LMOD1: variants seen among roughly 807,000 people sequenced by gnomAD.
LMOD1 encodes leiomodin 1.
Under a neutral mutation model 36.5 loss-of-function variants are expected in LMOD1, and 8 were observed. The observed-to-expected ratio is 0.22, with a 90% CI of 0.13 to 0.40. The LOEUF (loss-of-function observed/expected upper bound fraction) is 0.40, where lower values mean the gene tolerates loss of function less well. Among genes scored for constraint, LMOD1 ranks in the 10% least tolerant of loss-of-function variants. LMOD1 has a pLI of 1.00. For missense variants in LMOD1, 630 were observed against 751.1 expected (o/e 0.84, Z 1.88); for synonymous variants, 284 against 288.7 (o/e 0.98, Z 0.17).
chr1:201,910,797 C>G (rs1681484550), intron 1 of LMOD1, among the ~76,000 whole-genome samples: 1 of 117,226 alleles, frequency 8.5e-6, no homozygotes, highest in Non-Finnish European at 1.7e-5. Flanking sequence ...GTCTGTCACC[C>G]AGACTGAAGT....
In LMOD1 at chr1:201,899,390, C is replaced by T. The variant is rs1261941678; in HGVS notation, c.1623G>A (p.Leu541=). ...GGTTCTCCATGATAAGGGGTGGAGC[C>T]AAGGGAGGGGGAGGGGGTGGTGGGG... is the stretch of plus-strand genomic sequence containing the variant. ...PAAPPPPPPP[L]APPLIMENLK... The change falls in exon 2 of 3, where the codon TTG becomes TTA. Residue 541 remains leucine, a synonymous_variant. Transcript: ENST00000367288. This position sits in a 1 kb window ranked among gnomAD's most constrained non-coding sequence, Gnocchi z 6.3. 7.7e-7 allele frequency: 1 copy of T among 1,294,990 alleles called. No homozygotes were observed. The highest frequency in any genetic ancestry group is 1.5e-5 in the African/African-American group (1 of 64,586). The allele number at this position is 1,294,990 out of a possible 1,614,324, so 80.2% of individuals were successfully genotyped here.
At chr1:201,930,329 T>A (rs1372498794) in intron 1 of LMOD1, among the ~76,000 whole-genome samples, 1 of 152,072 alleles carries the variant, frequency 6.6e-6, no homozygotes, top group Non-Finnish European at 1.5e-5. Context: ...GTTCTTCTAG[T>A]TGATAAGTGA....
At chr1:201,928,698 G>T (rs1374975908) in intron 1 of LMOD1, among the ~76,000 whole-genome samples, 1 of 152,192 alleles carries the variant, frequency 6.6e-6, no homozygotes, top group Non-Finnish European at 1.5e-5. Flanking sequence ...GGTGCATATA[G>T]AGCAAATTAT....
intron 1 of LMOD1, among the ~76,000 whole-genome samples, chr1:201,924,290 C>T (rs1681761741): frequency 1.4e-5 from 2 of 140,462 alleles, no homozygotes; most frequent in African/African-American, 5.2e-5. Flanking sequence ...CGCCACTGCA[C>T]TCCAGCCTGG....
intron 1 of LMOD1, among the ~76,000 whole-genome samples, chr1:201,923,990 G>A (rs530335408): frequency 6.6e-6 from 1 of 150,462 alleles, no homozygotes; most frequent in East Asian, 2.0e-4. Context: ...GAAAGAAAAA[G>A]AAAAGAAAGA....
At chr1:201,920,713 G>A (rs1681689600) in intron 1 of LMOD1, among the ~76,000 whole-genome samples, 1 of 152,166 alleles carries the variant, frequency 6.6e-6, no homozygotes, top group Non-Finnish European at 1.5e-5. Flanking sequence ...TCTACACAGT[G>A]CAGGACCCAG....
At chr1:201,929,549 T>C (rs988662478) in intron 1 of LMOD1, among the ~76,000 whole-genome samples, 1 of 152,206 alleles carries the variant, frequency 6.6e-6, no homozygotes, top group Admixed American at 6.5e-5. Context: ...CTGATTTAAT[T>C]GGTTATTTTT....
At chr1:201,914,707 A>T (rs1473390492) in intron 1 of LMOD1, among the ~76,000 whole-genome samples, 1 of 151,920 alleles carries the variant, frequency 6.6e-6, no homozygotes, top group African/African-American at 2.4e-5. Context: ...ACTCACCTCC[A>T]GGCTCATCTT....
chr1:201,920,346 A>G (rs1681683464), intron 1 of LMOD1, among the ~76,000 whole-genome samples: 3 of 151,960 alleles, frequency 2.0e-5, no homozygotes, highest in Admixed American at 2.0e-4. Flanking sequence ...CTGACTGGGG[A>G]TTACTACCCC....
At chr1:201,903,836 A>G (rs2790909) in intron 1 of LMOD1, among the ~76,000 whole-genome samples, 151,400 of 152,314 alleles carry the variant, frequency 0.99, 75,250 homozygotes, top group East Asian at 1. Context: ...TGTGCACTGC[A>G]TAGCTTCCCT....
At chr1:201,935,275 C>T (rs1393313219) in intron 1 of LMOD1, among the ~76,000 whole-genome samples, 1 of 150,476 alleles carries the variant, frequency 6.6e-6, no homozygotes, top group African/African-American at 2.4e-5. Flanking sequence ...AGGGAAGAGT[C>T]GGGGTGATCC....
At chr1:201,927,342 A>C (rs1487068669) in intron 1 of LMOD1, among the ~76,000 whole-genome samples, 1 of 152,114 alleles carries the variant, frequency 6.6e-6, no homozygotes. Context: ...CCGAGGTGGG[A>C]GGATCACGAG....
At chr1:201,909,946 C>G (rs1175734502) in intron 1 of LMOD1, among the ~76,000 whole-genome samples, 1 of 152,222 alleles carries the variant, frequency 6.6e-6, no homozygotes, top group Non-Finnish European at 1.5e-5. Flanking sequence ...CTAAGCCACT[C>G]TTTCACCTGA....
chr1:201,907,157 G>A (rs955093156), intron 1 of LMOD1, among the ~76,000 whole-genome samples: 2 of 152,242 alleles, frequency 1.3e-5, no homozygotes, highest in African/African-American at 4.8e-5. Flanking sequence ...AGTGGCATAT[G>A]AGCCCACTGG....
At chr1:201,931,525 G>C (rs1442650916) in intron 1 of LMOD1, among the ~76,000 whole-genome samples, 1 of 120,200 alleles carries the variant, frequency 8.3e-6, no homozygotes, top group Non-Finnish European at 1.7e-5. Flanking sequence ...GCGACATAAT[G>C]AGACTCTGTC....
At chr1:201,906,660 G>A (rs1302961193) in intron 1 of LMOD1, among the ~76,000 whole-genome samples, 1 of 152,164 alleles carries the variant, frequency 6.6e-6, no homozygotes, top group Non-Finnish European at 1.5e-5. Flanking sequence ...GCAGTCTCCT[G>A]CCGCATTCCA....
chr1:201,923,102 G>A (rs1267957519), intron 1 of LMOD1, among the ~76,000 whole-genome samples: 3 of 152,182 alleles, frequency 2.0e-5, no homozygotes, highest in Non-Finnish European at 4.4e-5. Context: ...TGGGATTACA[G>A]GCGTGAGCCA....
At chr1:201,904,887 A>G (rs1452206436) in intron 1 of LMOD1, among the ~76,000 whole-genome samples, 2 of 152,212 alleles carry the variant, frequency 1.3e-5, no homozygotes, top group Non-Finnish European at 2.9e-5. Context: ...GCCGGCACAT[A>G]GCAGAGCTGC....
chr1:201,914,408 G>A (rs1571580424), intron 1 of LMOD1, among the ~76,000 whole-genome samples: 2 of 152,116 alleles, frequency 1.3e-5, no homozygotes, highest in Non-Finnish European at 2.9e-5. Flanking sequence ...TCTGTAAAAC[G>A]GGGATCACAT....
Sources: gnomAD v4.1 joint callset for allele counts (sites outside exome capture counted in the v4.1 genomes callset) on GRCh38, gnomAD v4.1.1 for gene constraint, Gnocchi (gnomAD v3.1) non-coding constraint, MANE v1.5 for transcripts, NCBI Gene and HGNC (gene_info 2026-07-23, HGNC 2026-07-21) for gene names.